The following RGS7BP variants were observed in gnomAD, a reference collection of about 807,000 sequenced individuals.
The protein encoded by RGS7BP is regulator of G protein signaling 7 binding protein.
A neutral mutation model predicts 31.3 loss-of-function variants in RGS7BP; 9 were observed. The ratio of observed to expected loss-of-function variants is 0.29; its 90% CI spans 0.17 to 0.50. The LOEUF (loss-of-function observed/expected upper bound fraction) is 0.50, where lower values mean the gene tolerates loss of function less well. Ranked by LOEUF, RGS7BP falls within the 20% of genes least tolerant of loss-of-function variation. The pLI, the probability that RGS7BP is intolerant of heterozygous loss-of-function variation, is 0.98. For missense variants in RGS7BP, 274 were observed against 322.0 expected (o/e 0.85, Z 1.14); for synonymous variants, 115 against 120.1 (o/e 0.96, Z 0.28).
chr5:64,523,514 T>C (rs1485850574), intron 2 of RGS7BP, among the ~76,000 whole-genome samples: 3 of 152,226 alleles, frequency 2.0e-5, no homozygotes, highest in Non-Finnish European at 4.4e-5. Flanking sequence ...ATTTGTAGAT[T>C]GTTGGATGTG....
At chr5:64,510,469 A>G (rs952255885) in intron 2 of RGS7BP, among the ~76,000 whole-genome samples, 8 of 152,228 alleles carry the variant, frequency 5.3e-5, no homozygotes, top group African/African-American at 1.9e-4. Flanking sequence ...GATTCCATTC[A>G]TGTGAAATGC....
At chr5:64,552,111 G>A (rs535398207) in intron 2 of RGS7BP, among the ~76,000 whole-genome samples, 1 of 152,088 alleles carries the variant, frequency 6.6e-6, no homozygotes, top group East Asian at 1.9e-4. Flanking sequence ...TTATTTTCAA[G>A]GTATATTTTA....
intron 2 of RGS7BP, among the ~76,000 whole-genome samples, chr5:64,530,308 A>T (rs1749337380): frequency 6.6e-6 from 1 of 152,268 alleles, no homozygotes; most frequent in Non-Finnish European, 1.5e-5. Flanking sequence ...TGAAAAAGAA[A>T]GTAGGAAATA....
At chr5:64,582,495 CCT>C (rs1240006566) in intron 3 of RGS7BP, among the ~76,000 whole-genome samples, 1 of 152,164 alleles carries the variant, frequency 6.6e-6, no homozygotes, top group East Asian at 1.9e-4. Flanking sequence ...CTCTGCTTGT[CCT>C]CTCTGCCATA....
At chr5:64,563,154 G>A (rs1265512848) in intron 2 of RGS7BP, among the ~76,000 whole-genome samples, 3 of 151,948 alleles carry the variant, frequency 2.0e-5, no homozygotes, top group Non-Finnish European at 1.5e-5. Context: ...AGGGTAGAAA[G>A]GGAAAGTAGG....
rs947004139 is a variant in RGS7BP, at chr5:64,609,950, T to C, written c.*698T>C. On this transcript the variant is annotated 3_prime_UTR_variant, in exon 6 of 6. Transcript: ENST00000334025. ...ATGCATATGGGCAACTAATTTCTTT[T>C]TGATCCAATGATGTCTTTTTCAGCT... The C allele has an allele frequency of 5.2e-5, 8 of 152,444 alleles. No individual in the cohort carries two copies. Among genetic ancestry groups the C allele is most frequent in the African/African-American group, 1.9e-4 (8 of 41,418 alleles). The allele number at this position is 152,444 out of a possible 1,614,324, so 9.4% of individuals were successfully genotyped here.
At chr5:64,533,336 T>C (rs1227781334) in intron 2 of RGS7BP, among the ~76,000 whole-genome samples, 2 of 152,222 alleles carry the variant, frequency 1.3e-5, no homozygotes, top group Non-Finnish European at 2.9e-5. Flanking sequence ...TTGAAGACTC[T>C]AATGCTAGAT....
intron 3 of RGS7BP, among the ~76,000 whole-genome samples, chr5:64,589,961 T>C (rs1308277470): frequency 1.3e-5 from 2 of 150,146 alleles, no homozygotes; most frequent in Non-Finnish European, 3.0e-5. Context: ...GTAAATGCAC[T>C]GCATAGTCCT....
chr5:64,556,460 C>A (rs1012036334), intron 2 of RGS7BP, among the ~76,000 whole-genome samples: 8 of 130,406 alleles, frequency 6.1e-5, no homozygotes, highest in African/African-American at 1.5e-4. Flanking sequence ...CACACACACA[C>A]AAAATTGGCT....
chr5:64,547,549 C>A (rs1741687247), intron 2 of RGS7BP, among the ~76,000 whole-genome samples: 2 of 152,052 alleles, frequency 1.3e-5, no homozygotes, highest in South Asian at 2.1e-4. Flanking sequence ...GTAAAACAAA[C>A]CTAATATTAA....
rs1743445893 is a variant in RGS7BP at position 64,609,335 on chromosome 5, T to G, written c.*83T>G. 1.3e-6 allele frequency: 1 copy of G among 797,392 alleles called. No individual in the cohort carries two copies. The highest frequency in any genetic ancestry group is 1.8e-5 in the Admixed American group (1 of 55,348). The allele number at this position is 797,392 out of a possible 1,614,324, so 49.4% of individuals were successfully genotyped here. Reference sequence around the variant, plus strand: ...ACCTCCAGACAGCTGAACCACACAGTTATTGGTTTTTGACTATGTTTTCTA... The same window carrying G: ...ACCTCCAGACAGCTGAACCACACAGGTATTGGTTTTTGACTATGTTTTCTA... On this transcript the variant is annotated 3_prime_UTR_variant, in exon 6 of 6. Transcript: ENST00000334025.
chr5:64,520,578 G>T (rs1440450325), intron 2 of RGS7BP, among the ~76,000 whole-genome samples: 4 of 152,120 alleles, frequency 2.6e-5, no homozygotes, highest in Non-Finnish European at 5.9e-5. Flanking sequence ...TTCATTTGGG[G>T]GCACCTTCTT....
At chr5:64,589,536 A>G (rs2111942364) in intron 3 of RGS7BP, among the ~76,000 whole-genome samples, 1 of 152,264 alleles carries the variant, frequency 6.6e-6, no homozygotes, top group Admixed American at 6.5e-5. Flanking sequence ...ATCCAAATGG[A>G]AGGTCATTAT....
intron 4 of RGS7BP, 112 bp from the exon 5 acceptor site, chr5:64,598,253 A>T: frequency 1.5e-6 from 1 of 679,468 alleles, no homozygotes; most frequent in East Asian, 2.6e-5. Context: ...AACTAGAGCT[A>T]GTGCAATTAG....
chr5:64,579,543 C>CAA (rs34003776), intron 3 of RGS7BP, among the ~76,000 whole-genome samples: 145 of 53,288 alleles, frequency 2.7e-3, no homozygotes, highest in East Asian at 8.1e-3. Context: ...GACTCCATCT[C>CAA]AAAAAAAAAA....
At chr5:64,607,952 C>T (rs1412632304) in intron 5 of RGS7BP, among the ~76,000 whole-genome samples, 1 of 151,972 alleles carries the variant, frequency 6.6e-6, no homozygotes, top group Admixed American at 6.6e-5. Context: ...CGAATCAGTT[C>T]GATTGAGGTG....
At chr5:64,581,996 GTTTGT>G (rs1742612676) in intron 3 of RGS7BP, among the ~76,000 whole-genome samples, 1 of 152,024 alleles carries the variant, frequency 6.6e-6, no homozygotes, top group Non-Finnish European at 1.5e-5. Context: ...GAAAAACTTT[GTTTGT>G]TTTAAGAAGG....
intron 5 of RGS7BP, among the ~76,000 whole-genome samples, chr5:64,603,229 G>T (rs1743267111): frequency 6.6e-6 from 1 of 152,192 alleles, no homozygotes; most frequent in South Asian, 2.1e-4. Context: ...TGGATGTGGT[G>T]CATAAGGAGA....
chr5:64,611,849 C>T lies in RGS7BP; in HGVS notation c.*2597C>T, dbSNP rs1342957867. On this transcript the variant is annotated 3_prime_UTR_variant, in exon 6 of 6. Transcript: ENST00000334025. The stretch of plus-strand genomic sequence containing the variant: ...TAGGAGCTGCCCCACTCTCCTCTCA[C>T]CTACCAAAGGATTTTCTCAGGTGTG... 6.6e-6 allele frequency: 1 copy of T among 151,954 alleles called. No homozygotes were observed. The highest frequency in any genetic ancestry group is 1.9e-4 in the East Asian group (1 of 5,146). The allele number at this position is 151,954 out of a possible 1,614,324, so 9.4% of individuals were successfully genotyped here.
Sources: gnomAD v4.1 joint callset for allele counts (sites outside exome capture counted in the v4.1 genomes callset) on GRCh38, gnomAD v4.1.1 for gene constraint, MANE v1.5 for transcripts, NCBI Gene and HGNC (gene_info 2026-07-23, HGNC 2026-07-21) for gene names.